Variants in CNBD1 observed in about 807,000 individuals in gnomAD.
CNBD1 encodes the protein cyclic nucleotide-binding domain-containing protein 1.
CNBD1 carries 71 observed loss-of-function variants against 54.4 expected under a neutral mutation model. The observed-to-expected ratio is 1.30, with a 90% CI of 1.08 to 1.59. The LOEUF (loss-of-function observed/expected upper bound fraction) is 1.59. Among genes scored for constraint, CNBD1 ranks in the 40% most tolerant of loss-of-function variants. The pLI is 0.00. For synonymous variants in CNBD1, 182 were observed against 170.7 expected (o/e 1.07, Z -0.51); for missense variants, 659 against 518.0 (o/e 1.27, Z -2.64).
In CNBD1 at chr8:87,284,800, T is replaced by C. The variant is rs774645211; in HGVS notation, c.894T>C (p.Tyr298=). The change falls in exon 7 of 11, where the codon TAT becomes TAC. Residue 298 remains tyrosine (Y), a synonymous_variant. Transcript: ENST00000518476. ...TTCTTAAAATCCCAGCAAAGGGATATGCAAAGATAAAGGAGGTAAGATGAT... is the reference window on the plus strand; with the variant it reads ...TTCTTAAAATCCCAGCAAAGGGATACGCAAAGATAAAGGAGGTAAGATGAT... ...CEILKIPAKG[Y]AKIKEEKIKL... is the part of the protein sequence containing the mutation. The C allele has an allele frequency of 1.3e-6, 2 of 1,585,634 alleles. No individual in the cohort carries two copies. The highest frequency in any genetic ancestry group is 1.2e-5 in the South Asian group (1 of 86,672).
At chr8:87,304,659 A>G (rs964913046) in intron 8 of CNBD1, among the ~76,000 whole-genome samples, 1 of 152,072 alleles carries the variant, frequency 6.6e-6, no homozygotes, top group Non-Finnish European at 1.5e-5. Context: ...ATAAATAAAA[A>G]TCACATAATC....
intron 4 of CNBD1, among the ~76,000 whole-genome samples, chr8:87,028,920 T>C (rs1007434961): frequency 3.3e-5 from 5 of 152,216 alleles, no homozygotes; most frequent in African/African-American, 4.8e-5. Context: ...TGTACAAGGC[T>C]TCCCTTTTCT....
chr8:87,337,637 C>T (rs1226442557), intron 8 of CNBD1, among the ~76,000 whole-genome samples: 7 of 152,218 alleles, frequency 4.6e-5, no homozygotes, highest in Admixed American at 2.6e-4. Flanking sequence ...CTGTTGGTTG[C>T]ACACTTTTGT....
At chr8:86,949,759 A>G (rs1178717412) in intron 4 of CNBD1, among the ~76,000 whole-genome samples, 1 of 151,896 alleles carries the variant, frequency 6.6e-6, no homozygotes, top group Non-Finnish European at 1.5e-5. Context: ...TACTGTGTTA[A>G]CAGTGGTGAA....
intron 4 of CNBD1, among the ~76,000 whole-genome samples, chr8:87,116,458 C>T (rs971655571): frequency 6.6e-6 from 1 of 152,142 alleles, no homozygotes; most frequent in African/African-American, 2.4e-5. Context: ...AAGTGATTCT[C>T]CTGCCTCAGC....
chr8:87,202,797 G>A (rs1440263355), intron 4 of CNBD1, among the ~76,000 whole-genome samples: 4 of 152,088 alleles, frequency 2.6e-5, no homozygotes, highest in African/African-American at 4.8e-5. Flanking sequence ...AGAAGGCCTC[G>A]ACTAGGAATG....
chr8:87,417,651 A>G lies in CNBD1; in HGVS notation c.214-10895A>G, dbSNP rs1807858912. Among the ~76,000 whole-genome samples the G allele has an allele frequency of 4.6e-5, 7 of 152,132 alleles. No homozygotes were observed. In the South Asian group the frequency reaches 1.4e-3, roughly 32 times the overall value. ...TTAATTATTTTGGCAATATTGCAAT[A>G]TGCATGATCAATATACAAAAATCAA... On this transcript the variant is annotated intron_variant, in intron 2 of 7. Transcript: ENST00000521593.
At chr8:87,202,149 G>A (rs1289236292) in intron 4 of CNBD1, among the ~76,000 whole-genome samples, 1 of 152,070 alleles carries the variant, frequency 6.6e-6, no homozygotes, top group East Asian at 1.9e-4. Flanking sequence ...AATGAAGATA[G>A]ACTTTATGTA....
intron 2 of CNBD1, among the ~76,000 whole-genome samples, chr8:87,413,933 A>C (rs935386673): frequency 6.6e-6 from 1 of 151,694 alleles, no homozygotes; most frequent in Non-Finnish European, 1.5e-5. Context: ...GGGACTGTAA[A>C]CTAGTTCAAC....
intron 4 of CNBD1, among the ~76,000 whole-genome samples, chr8:87,127,488 A>T (rs1316900485): frequency 6.6e-6 from 1 of 152,164 alleles, no homozygotes; most frequent in Non-Finnish European, 1.5e-5. Context: ...AAATTGATTT[A>T]TGTGTATTAA....
chr8:87,085,211 TTATC>T (rs1811073068), intron 4 of CNBD1, among the ~76,000 whole-genome samples: 1 of 152,194 alleles, frequency 6.6e-6, no homozygotes, highest in African/African-American at 2.4e-5. Flanking sequence ...GGCATTCTTC[TTATC>T]TGTTACCATG....
intron 8 of CNBD1, among the ~76,000 whole-genome samples, chr8:87,299,632 T>A (rs1808945600): frequency 6.6e-6 from 1 of 152,208 alleles, no homozygotes; most frequent in Admixed American, 6.5e-5. Flanking sequence ...TCCTTGTTTG[T>A]TGGAGAAGAC....
chr8:87,041,896 TATC>T (rs1586217214), intron 4 of CNBD1, among the ~76,000 whole-genome samples: 1 of 152,184 alleles, frequency 6.6e-6, no homozygotes, highest in African/African-American at 2.4e-5. Flanking sequence ...GTGGACTAGA[TATC>T]ATGCTGCAGG....
intron 8 of CNBD1, among the ~76,000 whole-genome samples, chr8:87,327,378 C>T (rs1022806136): frequency 6.6e-6 from 1 of 151,728 alleles, no homozygotes; most frequent in Admixed American, 6.6e-5. Flanking sequence ...CAAGCCTGGG[C>T]AATGGTGGGC....
At chr8:86,963,598 A>C (rs74625308) in intron 4 of CNBD1, among the ~76,000 whole-genome samples, 4 of 152,042 alleles carry the variant, frequency 2.6e-5, no homozygotes, top group African/African-American at 9.7e-5. Context: ...CAAACAAGGG[A>C]GAGAGAAAGG....
chr8:87,025,254 T>G (rs1422782573), intron 4 of CNBD1, among the ~76,000 whole-genome samples: 1 of 152,044 alleles, frequency 6.6e-6, no homozygotes, highest in Non-Finnish European at 1.5e-5. Flanking sequence ...AGGATGTGGG[T>G]GGGGCCAAAT....
chr8:87,165,162 T>G (rs1187355276), intron 4 of CNBD1, among the ~76,000 whole-genome samples: 5 of 151,948 alleles, frequency 3.3e-5, no homozygotes, highest in African/African-American at 1.2e-4. Context: ...TTGTTCATAA[T>G]TATTTGTGGC....
chr8:86,972,512 G>T (rs980129542), intron 4 of CNBD1, among the ~76,000 whole-genome samples: 1 of 152,138 alleles, frequency 6.6e-6, no homozygotes, highest in East Asian at 1.9e-4. Flanking sequence ...TTTTAAAAAG[G>T]TGAAGCATTT....
At chr8:87,088,740 T>G (rs1242010973) in intron 4 of CNBD1, among the ~76,000 whole-genome samples, 2 of 152,124 alleles carry the variant, frequency 1.3e-5, no homozygotes, top group African/African-American at 4.8e-5. Flanking sequence ...TTAAAAAGAA[T>G]GGCCTGTAAA....
Sources: gnomAD v4.1 joint callset for allele counts (sites outside exome capture counted in the v4.1 genomes callset) on GRCh38, gnomAD v4.1.1 for gene constraint, MANE v1.5 for transcripts, NCBI Gene and HGNC (gene_info 2026-07-23, HGNC 2026-07-21) for gene names.